Variants in OPCML observed in about 807,000 individuals in gnomAD.
The protein encoded by OPCML is opioid binding protein/cell adhesion molecule like, also known as opioid-binding protein/cell adhesion molecule.
In OPCML, 13 loss-of-function variants were observed where a neutral mutation model predicts 37.8. That is an observed-to-expected ratio of 0.34 (90% CI 0.22 to 0.55). The LOEUF (loss-of-function observed/expected upper bound fraction) is 0.55. Among genes scored for constraint, OPCML ranks in the 20% least tolerant of loss-of-function variants. The probability of loss-of-function intolerance (pLI) is 0.91; values close to 1 mark genes in which losing one functional copy is unlikely to be tolerated. For missense variants in OPCML, 341 were observed against 435.6 expected (o/e 0.78, Z 1.93); for synonymous variants, 176 against 168.8 (o/e 1.04, Z -0.33).
chr11:133,300,757 A>G (rs1377799600), intron 1 of OPCML: 2 of 152,212 alleles, frequency 1.3e-5, no homozygotes, highest in Non-Finnish European at 2.9e-5. Context: ...TCTGAACACC[A>G]TCACAAGTGT....
intron 2 of OPCML, among the ~76,000 whole-genome samples, chr11:132,933,110 C>T (rs767829072): frequency 2.6e-5 from 4 of 152,226 alleles, no homozygotes; most frequent in East Asian, 3.9e-4. Context: ...ACAGGTACAG[C>T]GGGAGGCATG....
chr11:133,216,923 A>T (rs1330839200), intron 1 of OPCML, among the ~76,000 whole-genome samples: 1 of 152,220 alleles, frequency 6.6e-6, no homozygotes, highest in Non-Finnish European at 1.5e-5. Context: ...ATTTATAGAT[A>T]TATATTTTAC....
chr11:133,399,272 G>T (rs181535795), intron 1 of OPCML, among the ~76,000 whole-genome samples: 2 of 152,248 alleles, frequency 1.3e-5, no homozygotes, highest in East Asian at 1.9e-4. Flanking sequence ...TTGATGACGC[G>T]TGGTGGCTTT....
At chr11:133,531,556 C>T (rs1463109469) in intron 1 of OPCML, among the ~76,000 whole-genome samples, 1 of 152,054 alleles carries the variant, frequency 6.6e-6, no homozygotes, top group Admixed American at 6.6e-5. Context: ...GCATAATCTG[C>T]CCATTTGGTG....
intron 1 of OPCML, among the ~76,000 whole-genome samples, chr11:132,982,812 T>C (rs1032925203): frequency 4.6e-5 from 7 of 152,270 alleles, no homozygotes; most frequent in African/African-American, 1.7e-4. Context: ...ACTCCACTGG[T>C]CAACTTTAAT....
chr11:133,322,080 GT>G, intron 1 of OPCML, among the ~76,000 whole-genome samples: 1 of 152,246 alleles, frequency 6.6e-6, no homozygotes, highest in Middle Eastern at 3.4e-3. Context: ...GCAGCTGCTA[GT>G]TTAAAAAAAT....
intron 2 of OPCML, among the ~76,000 whole-genome samples, chr11:132,812,760 G>T (rs1939418671): frequency 6.6e-6 from 1 of 152,138 alleles, no homozygotes; most frequent in African/African-American, 2.4e-5. Flanking sequence ...CATAGATTGT[G>T]GTATTAGTTA....
chr11:132,665,187 G>T (rs995547607), intron 2 of OPCML, among the ~76,000 whole-genome samples: 21 of 152,196 alleles, frequency 1.4e-4, no homozygotes, highest in African/African-American at 4.8e-4. Context: ...TGAGGACATA[G>T]AGTAGTGGAA....
intron 2 of OPCML, among the ~76,000 whole-genome samples, chr11:132,698,911 A>G: frequency 6.6e-6 from 1 of 152,024 alleles, no homozygotes; most frequent in Non-Finnish European, 1.5e-5. Flanking sequence ...AATGCCATTG[A>G]TATTTTGATA....
chr11:132,919,948 A>G (rs1039541759), intron 2 of OPCML, among the ~76,000 whole-genome samples: 1 of 152,246 alleles, frequency 6.6e-6, no homozygotes, highest in Non-Finnish European at 1.5e-5. Context: ...AAGCAAATTC[A>G]TTGAGACAGA....
At chr11:133,255,034 T>C (rs1480837872) in intron 1 of OPCML, among the ~76,000 whole-genome samples, 1 of 152,186 alleles carries the variant, frequency 6.6e-6, no homozygotes, top group African/African-American at 2.4e-5. Context: ...TAGGATGTAA[T>C]GAAGATTTAA....
chr11:133,225,861 T>A (rs1940015269), intron 1 of OPCML, among the ~76,000 whole-genome samples: 1 of 152,368 alleles, frequency 6.6e-6, no homozygotes, highest in East Asian at 1.9e-4. Flanking sequence ...AAACAACACG[T>A]AGTAACTATA....
At chr11:132,807,734 G>A (rs561043278) in intron 2 of OPCML, among the ~76,000 whole-genome samples, 23 of 152,250 alleles carry the variant, frequency 1.5e-4, no homozygotes, top group Admixed American at 5.2e-4. Flanking sequence ...ATTCTTCTCT[G>A]GGACTCTTTT....
At chr11:133,499,187 C>G (rs1332329044) in intron 1 of OPCML, among the ~76,000 whole-genome samples, 1 of 152,242 alleles carries the variant, frequency 6.6e-6, no homozygotes, top group African/African-American at 2.4e-5. Context: ...TGGCAGCAAA[C>G]CAGCCCATAT....
In OPCML at chr11:132,944,127, C is replaced by T. The variant is rs575368186; in HGVS notation, c.62-1117G>A. Among the ~76,000 whole-genome samples the T allele has an allele frequency of 1.7e-3, 256 of 152,126 alleles. 2 individuals carry two copies. The highest frequency in any genetic ancestry group is 5.8e-3 in the African/African-American group (240 of 41,504). Reference sequence around the variant, plus strand: ...GCACCGCGCCCACTTCGCTCCGTCCCGACACCCGCGCCAGCGGAGAGAACG... The same window carrying T: ...GCACCGCGCCCACTTCGCTCCGTCCTGACACCCGCGCCAGCGGAGAGAACG... On this transcript the variant is annotated intron_variant, in intron 1 of 7. Transcript: ENST00000524381.
intron 2 of OPCML, among the ~76,000 whole-genome samples, chr11:132,744,478 G>A (rs531889975): frequency 3.9e-5 from 6 of 152,244 alleles, no homozygotes; most frequent in Non-Finnish European, 7.3e-5. Flanking sequence ...TTCAAACTTT[G>A]TCTCCACCTC....
At chr11:133,461,983 T>C (rs1330018796) in intron 1 of OPCML, among the ~76,000 whole-genome samples, 5 of 151,898 alleles carry the variant, frequency 3.3e-5, no homozygotes, top group Non-Finnish European at 7.4e-5. Flanking sequence ...ATAAAATATA[T>C]TGTCAAATAA....
chr11:133,314,853 C>T (rs1047127977), intron 1 of OPCML, among the ~76,000 whole-genome samples: 8 of 152,202 alleles, frequency 5.3e-5, no homozygotes, highest in African/African-American at 1.9e-4. Context: ...GTAATTTTAG[C>T]TTCTATCCCC....
In OPCML at chr11:133,411,494, C is replaced by A. The variant is rs182005454; in HGVS notation, c.61+120770G>T. Among the ~76,000 whole-genome samples, 3 of 152,270 alleles carry A rather than the reference C, an allele frequency of 2.0e-5. No individual in the cohort carries two copies. The East Asian group carries it at 5.8e-4, about 29-fold the overall frequency. ...GAACCCTTGGGAAGAAATGCAGTCC[C>A]AGGCCTGGCCAGCCCTAACTCTGGG... On this transcript the variant is annotated intron_variant, in intron 1 of 7. Coordinates refer to ENST00000524381, the MANE Select transcript of OPCML (RefSeq NM_001012393.5).
Sources: gnomAD v4.1 joint callset for allele counts (sites outside exome capture counted in the v4.1 genomes callset) on GRCh38, gnomAD v4.1.1 for gene constraint, MANE v1.5 for transcripts, NCBI Gene and HGNC (gene_info 2026-07-23, HGNC 2026-07-21) for gene names.